CPSF2: variants seen among roughly 807,000 people sequenced by gnomAD.
The protein encoded by CPSF2 is cleavage and polyadenylation specific factor 2.
CPSF2 carries 51 observed loss-of-function variants against 84.2 expected under a neutral mutation model. The observed-to-expected ratio is 0.61, with a 90% CI of 0.48 to 0.77. CPSF2 has a LOEUF of 0.77. Ranked by LOEUF, CPSF2 falls within the 30% of genes least tolerant of loss-of-function variation. CPSF2 has a pLI of 0.00. For missense variants in CPSF2, 641 were observed against 929.4 expected (o/e 0.69, Z 4.03); for synonymous variants, 286 against 311.9 (o/e 0.92, Z 0.87).
chr14:92,139,122 T>C (rs1034482628), intron 7 of CPSF2, among the ~76,000 whole-genome samples: 3 of 152,014 alleles, frequency 2.0e-5, no homozygotes, highest in African/African-American at 7.2e-5. Flanking sequence ...AAATATACTC[T>C]AAAAGAAAAA....
intron 3 of CPSF2, among the ~76,000 whole-genome samples, chr14:92,131,848 T>C (rs59389644): frequency 6.6e-6 from 1 of 150,566 alleles, no homozygotes; most frequent in African/African-American, 2.4e-5. Context: ...AAAAAAAAAA[T>C]AAGATAAAAT....
chr14:92,135,884 T>C (rs190518083), intron 6 of CPSF2, among the ~76,000 whole-genome samples: 114 of 152,332 alleles, frequency 7.5e-4, no homozygotes, highest in African/African-American at 2.5e-3. Flanking sequence ...AATCTCATCT[T>C]ATAGCTCCCA....
intron 9 of CPSF2, among the ~76,000 whole-genome samples, chr14:92,150,259 T>C (rs972745097): frequency 3.3e-5 from 5 of 151,950 alleles, no homozygotes; most frequent in Admixed American, 1.3e-4. Flanking sequence ...GGACTACAGG[T>C]GTGTGCCACG....
At chr14:92,123,454 A>C (rs2068805591) in intron 1 of CPSF2, among the ~76,000 whole-genome samples, 1 of 151,712 alleles carries the variant, frequency 6.6e-6, no homozygotes, top group Admixed American at 6.6e-5. Flanking sequence ...GCTGGAGTGC[A>C]GTGGTGCCAT....
rs1302890540 is a variant in CPSF2 at position 92,122,078 on chromosome 14, C to T, written c.-144C>T. On this transcript the variant is annotated 5_prime_UTR_variant, in exon 1 of 16. Coordinates refer to ENST00000298875, the MANE Select transcript of CPSF2 (RefSeq NM_017437.3). ...CTTTTCTACGTCTTGAACCTGGATT[C>T]GCCTAGGGGTTGGGAAGGGCTGTGG... 2 of 493,594 alleles carry T rather than the reference C, an allele frequency of 4.1e-6. No individual in the cohort carries two copies. The highest frequency in any genetic ancestry group is 6.6e-5 in the Admixed American group (2 of 30,368). The allele number at this position is 493,594 out of a possible 1,614,324, so 30.6% of individuals were successfully genotyped here. A position where few individuals can be genotyped will look rare whatever the true frequency, so the allele number is the denominator to read the frequency against.
At chr14:92,127,263 A>G (rs1229192658) in intron 2 of CPSF2, among the ~76,000 whole-genome samples, 2 of 152,242 alleles carry the variant, frequency 1.3e-5, no homozygotes, top group African/African-American at 4.8e-5. Context: ...GATGTGAAGA[A>G]GGACTTTAGG....
chr14:92,136,974 T>G (rs1396031059), intron 6 of CPSF2, among the ~76,000 whole-genome samples: 1 of 151,956 alleles, frequency 6.6e-6, no homozygotes, highest in African/African-American at 2.4e-5. Flanking sequence ...AAGTAAAAGT[T>G]TGATAGATTT....
At chr14:92,137,030 AATC>A (rs2069009276) in intron 6 of CPSF2, among the ~76,000 whole-genome samples, 4 of 152,062 alleles carry the variant, frequency 2.6e-5, no homozygotes, top group Middle Eastern at 3.4e-3. Context: ...TAAAAAAAAA[AATC>A]AAAGTAGGAA....
At chr14:92,132,062 G>C (rs1039492926) in intron 3 of CPSF2, among the ~76,000 whole-genome samples, 1 of 151,882 alleles carries the variant, frequency 6.6e-6, no homozygotes, top group Non-Finnish European at 1.5e-5. Flanking sequence ...GAAAAAGCTG[G>C]GACAAAAATC....
intron 1 of CPSF2, among the ~76,000 whole-genome samples, chr14:92,123,021 G>C (rs2068796981): frequency 3.3e-5 from 5 of 151,750 alleles, no homozygotes; most frequent in Admixed American, 3.3e-4. Flanking sequence ...TCCCTCAACT[G>C]ACCGAGAAGA....
Position 92,154,431 on chromosome 14 carries a change from C to T in CPSF2, c.1214C>T (p.Ala405Val). The T allele has an allele frequency of 6.2e-7, 1 of 1,608,492 alleles. No homozygotes were observed. The highest frequency in any genetic ancestry group is 1.7e-4 in the Middle Eastern group (1 of 6,050). ...GAAAAAGAGAAACTAAAGAAAGAAGCTGCCAAAAAGCTTGAGCAGTCAAAA... is the reference window on the plus strand; with the variant it reads ...GAAAAAGAGAAACTAAAGAAAGAAGTTGCCAAAAAGCTTGAGCAGTCAAAA... ...YLEKEKLKKEAAKKLEQSKEA... is the reference protein window; with the variant it reads ...YLEKEKLKKEVAKKLEQSKEA... Residue 405 changes from alanine (A) to valine (V), a missense_variant, in exon 10 of 16, where the codon GCT becomes GTT. Ala to Val is a moderately conservative substitution (Grantham distance 64). Transcript: ENST00000298875.
chr14:92,154,976 T>C (rs1161668936), intron 10 of CPSF2, 147 bp from the exon 11 acceptor site: 1 of 598,070 alleles, frequency 1.7e-6, no homozygotes, highest in South Asian at 2.3e-5. Flanking sequence ...GTATATGTGG[T>C]CTATTGTTGT....
rs2069478336 is a variant in CPSF2 at position 92,168,354 on chromosome 14, TG to T, written c.*6612del. 6.6e-6 allele frequency: 1 copy of T among 151,990 alleles called. No homozygotes were observed. The highest frequency in any genetic ancestry group is 2.4e-5 in the African/African-American group (1 of 41,392). 9.4% of individuals were successfully genotyped at this position (151,990 alleles called of 1,614,324 possible). A position where few individuals can be genotyped will look rare whatever the true frequency, so the allele number is the denominator to read the frequency against. On this transcript the variant is annotated 3_prime_UTR_variant, in exon 16 of 16. Coordinates refer to ENST00000298875, the MANE Select transcript of CPSF2 (RefSeq NM_017437.3). Reference sequence around the variant, plus strand: ...AATGTTTATTTTTTTACCTCCTCTTTGGTTTTTGTCTCACTTGAAGCACTTT... The same window carrying T: ...AATGTTTATTTTTTTACCTCCTCTTTGTTTTTGTCTCACTTGAAGCACTTT...
At chr14:92,146,398 G>A (rs1369755421) in intron 9 of CPSF2, among the ~76,000 whole-genome samples, 1 of 152,136 alleles carries the variant, frequency 6.6e-6, no homozygotes, top group Non-Finnish European at 1.5e-5. Flanking sequence ...GTGGGCGCCT[G>A]TAATCCCAGC....
rs574642229 is a variant in CPSF2, at chr14:92,143,879, C to G, written c.1140+585C>G. On this transcript the variant is annotated intron_variant, in intron 9 of 15. Coordinates refer to ENST00000298875, the MANE Select transcript of CPSF2 (RefSeq NM_017437.3). ...TTTTCCGTGGTACCCTCTAGTTTAC[C>G]CAGAGGGTAAGCATATACAGGGTTT... Among the ~76,000 whole-genome samples the G allele has an allele frequency of 1.2e-3, 189 of 152,108 alleles. 1 individual carries two copies. Among genetic ancestry groups the G allele is most frequent in the African/African-American group, 4.3e-3 (177 of 41,472 alleles).
At position 92,167,820 on chromosome 14, in the gene CPSF2, T is replaced by A. The variant is rs1382931609; in HGVS notation, c.*6076T>A. Reference sequence around the variant, plus strand: ...CAGAAGATTATTGTCCTTTAAAATATTGATGGACTGATTATCACTTAAAGG... The same window carrying A: ...CAGAAGATTATTGTCCTTTAAAATAATGATGGACTGATTATCACTTAAAGG... On this transcript the variant is annotated 3_prime_UTR_variant, in exon 16 of 16. Transcript: ENST00000298875. 1 of 152,098 alleles carries A rather than the reference T, an allele frequency of 6.6e-6. No individual in the cohort carries two copies. Among genetic ancestry groups the A allele is most frequent in the Non-Finnish European group, 1.5e-5 (1 of 68,024 alleles). 9.4% of individuals were successfully genotyped at this position (152,098 alleles called of 1,614,324 possible).
intron 9 of CPSF2, among the ~76,000 whole-genome samples, chr14:92,149,309 C>T (rs961639958): frequency 2.0e-5 from 3 of 152,134 alleles, no homozygotes; most frequent in African/African-American, 4.8e-5. Flanking sequence ...AGAGGCTGGG[C>T]GTCATGGCCC....
intron 13 of CPSF2, among the ~76,000 whole-genome samples, chr14:92,158,606 A>C (rs904820815): frequency 3.9e-5 from 6 of 152,228 alleles, no homozygotes; most frequent in Non-Finnish European, 8.8e-5. Context: ...GGGAGTGATC[A>C]GTGGTTCTCA....
At chr14:92,136,382 A>G (rs1006886298) in intron 6 of CPSF2, among the ~76,000 whole-genome samples, 3 of 152,372 alleles carry the variant, frequency 2.0e-5, no homozygotes, top group South Asian at 2.1e-4. Context: ...ACTGGAGGCT[A>G]TATGAGTAAA....
Sources: allele counts gnomAD v4.1 joint callset (sites outside exome capture counted in the v4.1 genomes callset), GRCh38; gene constraint gnomAD v4.1.1; transcripts MANE v1.5; gene names NCBI Gene and HGNC (gene_info 2026-07-23, HGNC 2026-07-21).